Variants in ANKRD11 observed in about 807,000 individuals in gnomAD.
ANKRD11 encodes the protein ankyrin repeat domain-containing protein 11.
A neutral mutation model predicts 195.7 loss-of-function variants in ANKRD11; 17 were observed. The ratio of observed to expected loss-of-function variants is 0.09; its 90% CI spans 0.06 to 0.13. ANKRD11 has a LOEUF of 0.13. Ranked by LOEUF, ANKRD11 falls within the 10% of genes least tolerant of loss-of-function variation. ANKRD11 has a pLI of 1.00. For synonymous variants in ANKRD11, 1,953 were observed against 1,528.1 expected (o/e 1.28, Z -6.49); for missense variants, 3,735 against 3,566.1 (o/e 1.05, Z -1.21).
intron 11 of ANKRD11, 61 bp from the exon 12 acceptor site, chr16:89,270,970 G>A (rs1234574652): frequency 1.3e-6 from 2 of 1,518,644 alleles, no homozygotes; most frequent in Non-Finnish European, 1.8e-6. Flanking sequence ...GGGAAGGCAT[G>A]CCAGCCTGGG....
At chr16:89,341,453 G>C (rs1207782746) in intron 2 of ANKRD11, among the ~76,000 whole-genome samples, 1 of 152,180 alleles carries the variant, frequency 6.6e-6, no homozygotes, top group East Asian at 1.9e-4. Flanking sequence ...CCTTCCAGAA[G>C]GTTCCAGAAG....
chr16:89,320,948 G>A (rs1005350406), intron 2 of ANKRD11, among the ~76,000 whole-genome samples: 1 of 152,230 alleles, frequency 6.6e-6, no homozygotes, highest in Non-Finnish European at 1.5e-5. Flanking sequence ...GAACAACGAT[G>A]GCCTGCTCCT....
Position 89,285,171 on chromosome 16 carries a change from C to T in ANKRD11, c.1371G>A (p.Lys457=), listed in dbSNP as rs1462068013. 1 of 1,613,384 alleles carries T rather than the reference C, an allele frequency of 6.2e-7. No homozygotes were observed. The highest frequency in any genetic ancestry group is 8.5e-7 in the Non-Finnish European group (1 of 1,180,030). ...QQKEKNKVKK[K]RKKETKGREV... is the part of the protein sequence containing the mutation. ...CTCTGCCTTTTGTTTCTTTCTTTCG[C>T]TTCTTTTTCACTTTATTTTTTTCCT... Residue 457 remains lysine (K), a synonymous_variant, in exon 9 of 13, where the codon AAG becomes AAA. Transcript: ENST00000301030. The surrounding 1 kb of genome is among the most constrained non-coding windows in gnomAD (Gnocchi z 5.6).
At chr16:89,469,842 G>A (rs1196191193) in intron 1 of ANKRD11, among the ~76,000 whole-genome samples, 1 of 151,166 alleles carries the variant, frequency 6.6e-6, no homozygotes, top group Non-Finnish European at 1.5e-5. Flanking sequence ...CAGTTGCAGG[G>A]AGCCAAGATC....
intron 2 of ANKRD11, among the ~76,000 whole-genome samples, chr16:89,369,060 C>A (rs888387257): frequency 3.9e-5 from 6 of 152,132 alleles, no homozygotes; most frequent in Admixed American, 3.3e-4. Flanking sequence ...CATTCCTCCA[C>A]AGCAAGCCCA....
chr16:89,317,174 G>T, intron 2 of ANKRD11, 96 bp from the exon 3 acceptor site: 3 of 879,358 alleles, frequency 3.4e-6, no homozygotes, highest in South Asian at 1.4e-5. Flanking sequence ...AACTAGTCAA[G>T]GCAGGCAGCT....
intron 4 of ANKRD11, chr16:89,297,573 C>T (rs1389292976): frequency 1.3e-5 from 2 of 152,230 alleles, no homozygotes; most frequent in Non-Finnish European, 2.9e-5. Flanking sequence ...GCGGATGGTC[C>T]ACAACGCCAA....
intron 3 of ANKRD11, among the ~76,000 whole-genome samples, chr16:89,306,547 T>C (rs1321127616): frequency 2.8e-4 from 15 of 53,750 alleles, no homozygotes; most frequent in East Asian, 8.7e-4. Context: ...ACGCGCCACT[T>C]ACCTCCCACT....
chr16:89,292,364 T>C (rs1488489608), intron 4 of ANKRD11, among the ~76,000 whole-genome samples: 4 of 152,048 alleles, frequency 2.6e-5, no homozygotes, highest in African/African-American at 9.7e-5. Flanking sequence ...CACAGAACGG[T>C]CTTAACTAGT....
chr16:89,295,436 T>A (rs895283732), intron 4 of ANKRD11, among the ~76,000 whole-genome samples: 1 of 152,166 alleles, frequency 6.6e-6, no homozygotes, highest in African/African-American at 2.4e-5. Context: ...TCGCCAGCCC[T>A]CTGAGGCTGG....
chr16:89,284,308 T>A lies in ANKRD11; in HGVS notation c.2234A>T (p.Glu745Val). The A allele has an allele frequency of 6.8e-6, 11 of 1,613,978 alleles. No individual in the cohort carries two copies. Among genetic ancestry groups the A allele is most frequent in the Non-Finnish European group, 9.3e-6 (11 of 1,180,022 alleles). ...EKDRSNKAEK[E>V]RSLKEKSPKE... is the part of the protein sequence containing the mutation. ...CGGAGACTTTTCCTTCAGCGATCTC[T>A]CCTTTTCTGCTTTATTCGAACGGTC... The change falls in exon 9 of 13, where the codon GAG becomes GTG. Residue 745 changes from glutamate (E) to valine (V), a missense_variant. By Grantham distance (121) the Glu-to-Val change is moderately radical (BLOSUM62 -2). Transcript: ENST00000301030.
rs367581018 is a variant in ANKRD11, at chr16:89,480,740, C to G, written c.-145+9505G>C. Among the ~76,000 whole-genome samples, 30 of 152,176 alleles carry G rather than the reference C, an allele frequency of 2.0e-4. 1 individual carries two copies. Among genetic ancestry groups the G allele is most frequent in the African/African-American group, 6.7e-4 (28 of 41,526 alleles). ...TGGCCCACATTTTACACTGTCCTGACAAAATATCTGAGGGCAAATACCAGT... is the reference window on the plus strand; with the variant it reads ...TGGCCCACATTTTACACTGTCCTGAGAAAATATCTGAGGGCAAATACCAGT... On this transcript the variant is annotated intron_variant, in intron 1 of 12. Coordinates refer to ENST00000301030, the MANE Select transcript of ANKRD11 (RefSeq NM_013275.6).
intron 2 of ANKRD11, among the ~76,000 whole-genome samples, chr16:89,351,493 T>C (rs948935135): frequency 2.6e-5 from 4 of 152,174 alleles, no homozygotes; most frequent in East Asian, 1.9e-4. Flanking sequence ...TTCATAAATA[T>C]ACGTATTCAA....
intron 2 of ANKRD11, among the ~76,000 whole-genome samples, chr16:89,365,660 G>T (rs1014720993): frequency 6.6e-6 from 1 of 152,128 alleles, no homozygotes; most frequent in African/African-American, 2.4e-5. Context: ...GCCTTTTACC[G>T]CAATTCTTCC....
chr16:89,280,588 T>C lies in ANKRD11; in HGVS notation c.5954A>G (p.Gln1985Arg), dbSNP rs779935496. 3.7e-6 allele frequency: 6 copies of C among 1,613,448 alleles called. No homozygotes were observed. The highest frequency in any genetic ancestry group is 3.3e-5 in the South Asian group (3 of 91,086). Residue 1985 changes from glutamine to arginine, a missense_variant, in exon 9 of 13, where the codon CAG becomes CGG. Transcript: ENST00000301030. ...ACGCTTTGGGGACTCGGGGAATCTCTGTGGAGACTTCAGCAGGAGGTCCGA... is the reference window on the plus strand; with the variant it reads ...ACGCTTTGGGGACTCGGGGAATCTCCGTGGAGACTTCAGCAGGAGGTCCGA... ...VGSDLLLKSP[Q>R]RFPESPKRFC...
chr16:89,415,185 C>A lies in ANKRD11; in HGVS notation c.-60+3099G>T, dbSNP rs1046627043. Among the ~76,000 whole-genome samples the A allele has an allele frequency of 4.6e-5, 7 of 151,538 alleles. No individual in the cohort carries two copies. In the South Asian group the frequency reaches 1.2e-3, roughly 27 times the overall value. ...CTCAGGCTGGTCTCGCACTCCTGAGCTCAAGTGATCTACCCACCCCTTCCT... is the reference window on the plus strand; with the variant it reads ...CTCAGGCTGGTCTCGCACTCCTGAGATCAAGTGATCTACCCACCCCTTCCT... On this transcript the variant is annotated intron_variant, in intron 2 of 12. Transcript: ENST00000301030.
In ANKRD11 at chr16:89,291,355, G is replaced by A. The variant is rs923446880; in HGVS notation, c.227-172C>T. 6.6e-6 allele frequency among the ~76,000 whole-genome samples: 1 copy of A among 152,130 alleles called. No individual in the cohort carries two copies. The highest frequency in any genetic ancestry group is 2.4e-5 in the African/African-American group (1 of 41,398). On this transcript the variant is annotated intron_variant, in intron 4 of 12. Transcript: ENST00000301030. The surrounding 1 kb of genome is among the most constrained non-coding windows in gnomAD (Gnocchi z 5.3). ...CAGCGGTGCTGGGAGCATTGGTGCC[G>A]CCCACCTCACCTCTCAGCAGTGACT...
intron 7 of ANKRD11, chr16:89,287,237 T>C: frequency 2.0e-6 from 1 of 494,956 alleles, no homozygotes; most frequent in Non-Finnish European, 3.3e-6. Flanking sequence ...CCTCCTCGGG[T>C]TCTAACCTCT....
rs140763295 is a variant in ANKRD11, at chr16:89,313,277, A to G, written c.87+3656T>C. ...ATGGGGTGGGGACGACAGGGGACCC[A>G]TGGGGTGGGGACGACACTGTTCTCT... On this transcript the variant is annotated intron_variant, in intron 3 of 12. Coordinates refer to ENST00000301030, the MANE Select transcript of ANKRD11 (RefSeq NM_013275.6). 70 of 1,277,058 alleles carry G rather than the reference A, an allele frequency of 5.5e-5. No homozygotes were observed. In the African/African-American group the frequency reaches 9.3e-4, roughly 17 times the overall value. The allele number at this position is 1,277,058 out of a possible 1,614,324, so 79.1% of individuals were successfully genotyped here.
Sources: allele counts gnomAD v4.1 joint callset (sites outside exome capture counted in the v4.1 genomes callset), GRCh38; gene constraint gnomAD v4.1.1; non-coding constraint Gnocchi (gnomAD v3.1); transcripts MANE v1.5; gene names NCBI Gene and HGNC (gene_info 2026-07-23, HGNC 2026-07-21).